Variants in RTL4 observed in about 807,000 individuals in gnomAD.
The protein encoded by RTL4 is retrotransposon Gag like 4.
A neutral mutation model predicts 5.3 loss-of-function variants in RTL4; 4 were observed. The ratio of observed to expected loss-of-function variants is 0.75; its 90% CI spans 0.37 to 1.72. RTL4 has a LOEUF of 1.72. Ranked by LOEUF, RTL4 falls within the 40% of genes most tolerant of loss-of-function variation. RTL4 has a pLI of 0.04. For missense variants in RTL4, 260 were observed against 227.1 expected, an observed-to-expected ratio of 1.14 and a Z score of -0.93; for synonymous variants, 98 against 87.3, an observed-to-expected ratio of 1.12 and a Z score of -0.68.
At chrX:112,365,078 C>A in the RTL4 span, among the ~76,000 whole-genome samples, 5 of 110,740 alleles carry the variant, frequency 4.5e-5, no homozygotes, top group Non-Finnish European at 9.5e-5. Context: ...GGTGCCTAAT[C>A]CAGTCTTTAA....
chrX:112,351,634 T>C, the RTL4 span, among the ~76,000 whole-genome samples: 1 of 108,800 alleles, frequency 9.2e-6, no homozygotes, highest in South Asian at 3.9e-4. Context: ...GCCTTCTTTG[T>C]CTCTTTTGAT....
At chrX:112,335,999 C>T in the RTL4 span, among the ~76,000 whole-genome samples, 22 of 109,893 alleles carry the variant, frequency 2.0e-4, 1 homozygote, top group Admixed American at 1.9e-3. Flanking sequence ...CCTGCCACCA[C>T]GCCTGGCTAA....
At chrX:112,248,700 G>A in the RTL4 span, among the ~76,000 whole-genome samples, 11 of 111,875 alleles carry the variant, frequency 9.8e-5, no homozygotes, top group East Asian at 1.7e-3. Context: ...GTATCTCTTC[G>A]GTAGGATAAT....
the RTL4 span, among the ~76,000 whole-genome samples, chrX:112,316,504 G>A: frequency 1.4e-3 from 159 of 111,333 alleles, 1 homozygote; most frequent in African/African-American, 4.1e-3. Flanking sequence ...TATTTGAGTG[G>A]TGGTTACACT....
chrX:112,130,371 T>C, the RTL4 span, among the ~76,000 whole-genome samples: 3 of 109,308 alleles, frequency 2.7e-5, no homozygotes, highest in Admixed American at 2.0e-4. Context: ...CATGCAACTG[T>C]GGTAGGCCAA....
chrX:112,226,562 TAGAG>T, the RTL4 span, among the ~76,000 whole-genome samples: 1 of 111,788 alleles, frequency 8.9e-6, no homozygotes, highest in East Asian at 2.8e-4. Context: ...ATCAGATATA[TAGAG>T]AGATAGTCAC....
At chrX:112,200,947 T>C in the RTL4 span, among the ~76,000 whole-genome samples, 1 of 111,838 alleles carries the variant, frequency 8.9e-6, no homozygotes, top group African/African-American at 3.2e-5. Flanking sequence ...ATCTCTTCTA[T>C]TACCATTATT....
At chrX:112,205,364 T>A in the RTL4 span, among the ~76,000 whole-genome samples, 2 of 111,263 alleles carry the variant, frequency 1.8e-5, no homozygotes, top group Non-Finnish European at 3.8e-5. Flanking sequence ...TCTTAGGTCA[T>A]AAAATGAGGT....
the RTL4 span, among the ~76,000 whole-genome samples, chrX:112,301,303 T>C: frequency 3.6e-5 from 4 of 112,119 alleles, no homozygotes; most frequent in African/African-American, 1.3e-4. Context: ...CTTAACTTTT[T>C]CAAACCTCAG....
the RTL4 span, among the ~76,000 whole-genome samples, chrX:112,321,521 C>T: frequency 1.0e-4 from 9 of 87,474 alleles, no homozygotes; most frequent in Admixed American, 2.9e-4. Context: ...GGTGACAGAG[C>T]GAGACTCCGT....
the RTL4 span, among the ~76,000 whole-genome samples, chrX:112,246,419 G>A: frequency 8.3e-3 from 933 of 111,809 alleles, 8 homozygotes; most frequent in African/African-American, 0.029. Flanking sequence ...TCAAGCTTCA[G>A]CAATGGCGGA....
At chrX:112,426,302 T>C in the RTL4 span, among the ~76,000 whole-genome samples, 1 of 111,574 alleles carries the variant, frequency 9.0e-6, no homozygotes, top group East Asian at 2.8e-4. Flanking sequence ...CTTTCACCAA[T>C]ACCACATTGT....
At chrX:112,363,524 G>C in the RTL4 span, among the ~76,000 whole-genome samples, 22,971 of 109,476 alleles carry the variant, frequency 0.21, 1,872 homozygotes, top group Admixed American at 0.32. Flanking sequence ...TCATACTTAT[G>C]AGTATGAGAA....
chrX:112,224,610 A>T, the RTL4 span, among the ~76,000 whole-genome samples: 3 of 111,131 alleles, frequency 2.7e-5, no homozygotes, highest in Non-Finnish European at 5.7e-5. Context: ...AATTCCTGGG[A>T]TTATAGGCGT....
At chrX:112,176,845 G>GC in the RTL4 span, among the ~76,000 whole-genome samples, 1 of 109,879 alleles carries the variant, frequency 9.1e-6, no homozygotes, top group African/African-American at 3.3e-5. Flanking sequence ...TCCCTTTTCA[G>GC]CCTCTAGTAA....
exon 1 of RTL4, chrX:112,455,853 G>A (rs1017923622): frequency 5.7e-5 from 24 of 423,986 alleles, no homozygotes; most frequent in East Asian, 8.0e-5. Context: ...AACCTAACCC[G>A]AGAATGATGA....
At chrX:112,387,232 G>A in the RTL4 span, among the ~76,000 whole-genome samples, 1 of 110,558 alleles carries the variant, frequency 9.0e-6, no homozygotes, top group Non-Finnish European at 1.9e-5. Flanking sequence ...GTAGATTCTG[G>A]ATATTAGTGC....
the RTL4 span, among the ~76,000 whole-genome samples, chrX:112,166,926 C>CCATT: frequency 9.0e-6 from 1 of 111,639 alleles, no homozygotes; most frequent in African/African-American, 3.3e-5. Context: ...CTTTCTAAGT[C>CCATT]CATTCTCTTT....
the RTL4 span, among the ~76,000 whole-genome samples, chrX:112,364,566 G>A: frequency 3.6e-5 from 4 of 111,098 alleles, no homozygotes; most frequent in Non-Finnish European, 7.6e-5. Context: ...ACTGGTGAGG[G>A]GTGGTGATGG....
Sources: allele counts gnomAD v4.1 joint callset (sites outside exome capture counted in the v4.1 genomes callset), GRCh38; gene constraint gnomAD v4.1.1; transcripts MANE v1.5; gene names NCBI Gene and HGNC (gene_info 2026-07-23, HGNC 2026-07-21).